Variants in FAM222B observed in about 807,000 individuals in gnomAD.
The protein encoded by FAM222B is family with sequence similarity 222 member B, also known as protein FAM222B.
In FAM222B, 12 loss-of-function variants were observed where a neutral mutation model predicts 38.0. The ratio of observed to expected loss-of-function variants is 0.32; its 90% CI spans 0.20 to 0.51. The LOEUF (loss-of-function observed/expected upper bound fraction) is 0.51, where lower values mean the gene tolerates loss of function less well. FAM222B is among the 20% of genes least tolerant of loss of function. The pLI is 0.97. For synonymous variants in FAM222B, 329 were observed against 317.2 expected (o/e 1.04, Z -0.40); for missense variants, 716 against 754.2 (o/e 0.95, Z 0.59).
chr17:28,838,883 G>A (rs2038940636), intron 1 of FAM222B, among the ~76,000 whole-genome samples: 1 of 151,230 alleles, frequency 6.6e-6, no homozygotes, highest in African/African-American at 2.4e-5. Flanking sequence ...CTCCAGCCTG[G>A]GCAACAGAGT....
At chr17:28,773,107 T>A (rs367816991) in intron 1 of FAM222B, among the ~76,000 whole-genome samples, 93 of 152,246 alleles carry the variant, frequency 6.1e-4, no homozygotes, top group Middle Eastern at 3.4e-3. Context: ...AAGTCTAGAA[T>A]ACTCTAGAGC....
At chr17:28,787,910 C>A (rs1032514756) in intron 1 of FAM222B, among the ~76,000 whole-genome samples, 2 of 149,010 alleles carry the variant, frequency 1.3e-5, no homozygotes, top group African/African-American at 5.0e-5. Context: ...CCGCAACCTC[C>A]ACCTCCTGGG....
intron 1 of FAM222B, among the ~76,000 whole-genome samples, chr17:28,853,212 G>T (rs997874348): frequency 3.0e-5 from 4 of 134,068 alleles, no homozygotes; most frequent in East Asian, 2.1e-4. Context: ...AAAAAAAAAA[G>T]AATTACTAGG....
intron 1 of FAM222B, among the ~76,000 whole-genome samples, chr17:28,792,856 T>A (rs1329994752): frequency 1.3e-5 from 2 of 150,410 alleles, no homozygotes; most frequent in Admixed American, 6.6e-5. Flanking sequence ...CTGTTAATGA[T>A]CCTCCCTTCT....
intron 1 of FAM222B, among the ~76,000 whole-genome samples, chr17:28,817,545 A>G (rs929233210): frequency 6.6e-6 from 1 of 152,042 alleles, no homozygotes; most frequent in Non-Finnish European, 1.5e-5. Flanking sequence ...ACATGGTGAA[A>G]CCCTGTCTCT....
intron 1 of FAM222B, among the ~76,000 whole-genome samples, chr17:28,841,086 G>A (rs1179464608): frequency 6.6e-6 from 1 of 152,158 alleles, no homozygotes; most frequent in African/African-American, 2.4e-5. Flanking sequence ...CCTGACGTGA[G>A]GAGTTCAAGA....
intron 1 of FAM222B, among the ~76,000 whole-genome samples, chr17:28,794,274 A>G (rs951363411): frequency 1.3e-5 from 2 of 150,452 alleles, no homozygotes; most frequent in Non-Finnish European, 3.0e-5. Context: ...GCTGGAGTGC[A>G]GTGGTGCGAT....
chr17:28,835,197 A>AC (rs1338993962), intron 1 of FAM222B, among the ~76,000 whole-genome samples: 1 of 152,066 alleles, frequency 6.6e-6, no homozygotes, highest in African/African-American at 2.4e-5. Context: ...GGCACCTGCC[A>AC]CCACGCCTGG....
At chr17:28,794,536 A>G (rs2036850893) in intron 1 of FAM222B, among the ~76,000 whole-genome samples, 1 of 152,066 alleles carries the variant, frequency 6.6e-6, no homozygotes, top group Non-Finnish European at 1.5e-5. Context: ...TTGCATTTTA[A>G]AGAGATAAGA....
At chr17:28,783,941 G>T (rs909152542) in intron 1 of FAM222B, among the ~76,000 whole-genome samples, 2 of 151,484 alleles carry the variant, frequency 1.3e-5, no homozygotes, top group Admixed American at 1.3e-4. Context: ...TGGGGTTACA[G>T]GCTCCTGCCA....
chr17:28,810,771 TA>T (rs2037722955), intron 1 of FAM222B, among the ~76,000 whole-genome samples: 1 of 152,342 alleles, frequency 6.6e-6, no homozygotes, highest in South Asian at 2.1e-4. Flanking sequence ...TTAAAAAAGG[TA>T]AAGTAAGCTT....
chr17:28,777,755 G>A (rs759613260), intron 1 of FAM222B, among the ~76,000 whole-genome samples: 1 of 151,836 alleles, frequency 6.6e-6, no homozygotes, highest in South Asian at 2.1e-4. Context: ...GGGAGTGAGA[G>A]GAAAGAGGAG....
Position 28,758,340 on chromosome 17 carries a change from G to C in FAM222B, c.1619C>G (p.Ala540Gly), listed in dbSNP as rs1247469487. The change falls in exon 3 of 3, where the codon GCC becomes GGC. Residue 540 changes from alanine to glycine, a missense_variant. Ala to Gly is a moderately conservative substitution (Grantham distance 60). Transcript: ENST00000581407. ...GGGATCGGGGGCTCGGTTGCCAGGG[G>C]CTCGGTGGGCCTTGCTCAGCATGGC... ...SLAMLSKAHR[A>G]PGNRAPDPTE... The C allele has an allele frequency of 6.2e-7, 1 of 1,612,116 alleles. No individual in the cohort carries two copies. Among genetic ancestry groups the C allele is most frequent in the South Asian group, 1.1e-5 (1 of 90,948 alleles).
chr17:28,794,536 A>C (rs2036850893), intron 1 of FAM222B, among the ~76,000 whole-genome samples: 1 of 152,066 alleles, frequency 6.6e-6, no homozygotes, highest in Admixed American at 6.6e-5. Flanking sequence ...TTGCATTTTA[A>C]AGAGATAAGA....
chr17:28,792,795 A>AAG (rs894833074), intron 1 of FAM222B, among the ~76,000 whole-genome samples: 3 of 150,280 alleles, frequency 2.0e-5, no homozygotes, highest in East Asian at 1.9e-4. Context: ...AAAAAAAAAA[A>AAG]AAAGAAAGAA....
chr17:28,789,116 C>A (rs540075175), intron 1 of FAM222B, among the ~76,000 whole-genome samples: 59 of 149,570 alleles, frequency 3.9e-4, no homozygotes, highest in Admixed American at 2.4e-3. Context: ...AACACCCCCC[C>A]GACAAGTAAT....
In FAM222B at chr17:28,758,919, G is replaced by A; in HGVS notation, c.1040C>T (p.Thr347Ile). The A allele has an allele frequency of 1.2e-6, 2 of 1,609,586 alleles. No individual in the cohort carries two copies. The highest frequency in any genetic ancestry group is 1.7e-6 in the Non-Finnish European group (2 of 1,178,354). Reference protein sequence around the residue: ...LPAAGPVNLPTGISRVPTGYP... With the variant: ...LPAAGPVNLPIGISRVPTGYP... ...GCCAGTGGGGACGCGAGAGATGCCT[G>A]TGGGCAGGTTGACAGGACCTGCAGC... The change falls in exon 3 of 3, where the codon ACA becomes ATA. Residue 347 changes from threonine (T) to isoleucine (I), a missense_variant. Coordinates refer to ENST00000581407, the MANE Select transcript of FAM222B (RefSeq NM_001077498.3).
chr17:28,781,518 C>G (rs1285421162), intron 1 of FAM222B, among the ~76,000 whole-genome samples: 1 of 152,116 alleles, frequency 6.6e-6, no homozygotes, highest in African/African-American at 2.4e-5. Context: ...TATGATCCAG[C>G]AATCCCACTA....
chr17:28,799,748 A>G (rs2037131353), intron 1 of FAM222B, among the ~76,000 whole-genome samples: 1 of 152,020 alleles, frequency 6.6e-6, no homozygotes, highest in African/African-American at 2.4e-5. Flanking sequence ...AGCTGGGACT[A>G]CAGGTGATTG....
Sources: allele counts gnomAD v4.1 joint callset (sites outside exome capture counted in the v4.1 genomes callset), GRCh38; gene constraint gnomAD v4.1.1; transcripts MANE v1.5; gene names NCBI Gene and HGNC (gene_info 2026-07-23, HGNC 2026-07-21).